The following PAM variants were observed in gnomAD, a reference collection of about 807,000 sequenced individuals.
The protein encoded by PAM is peptidylglycine alpha-amidating monooxygenase, also known as peptidyl-glycine alpha-amidating monooxygenase.
Under a neutral mutation model 122.1 loss-of-function variants are expected in PAM, and 72 were observed. The observed-to-expected ratio is 0.59, with a 90% CI of 0.49 to 0.72. The LOEUF (loss-of-function observed/expected upper bound fraction) is 0.72, where lower values mean the gene tolerates loss of function less well. Ranked by LOEUF, PAM falls within the 30% of genes least tolerant of loss-of-function variation. The probability of loss-of-function intolerance (pLI) is 0.00; values close to 1 mark genes in which losing one functional copy is unlikely to be tolerated. For missense variants in PAM, 1,106 were observed against 1,183.7 expected (o/e 0.93, Z 0.96); for synonymous variants, 389 against 404.4 (o/e 0.96, Z 0.46).
intron 1 of PAM, among the ~76,000 whole-genome samples, chr5:102,859,077 TA>T (rs1167167998): frequency 6.6e-6 from 1 of 151,444 alleles, no homozygotes; most frequent in African/African-American, 2.4e-5. Flanking sequence ...TTGATAAAGA[TA>T]ATAAACGACT....
Position 102,990,292 on chromosome 5 carries a change from C to T in PAM, c.1504C>T (p.Leu502=), listed in dbSNP as rs1217185579. 6 of 1,559,544 alleles carry T rather than the reference C, an allele frequency of 3.8e-6. No homozygotes were observed. The South Asian group carries it at 4.9e-5, about 13-fold the overall frequency. The part of the protein sequence containing the change: ...HTGDFHMEEA[L]DWPGVYLLPG... Reference sequence around the variant, plus strand: ...TTTAGATTTCCACATGGAAGAGGCACTGGATTGGCCTGGAGTATACTTGTT... The same window carrying T: ...TTTAGATTTCCACATGGAAGAGGCATTGGATTGGCCTGGAGTATACTTGTT... Residue 502 remains leucine, a synonymous_variant, in exon 16 of 26, where the codon CTG becomes TTG. Transcript: ENST00000438793.
At chr5:102,808,289 A>G (rs1766801020) in intron 1 of PAM, 1 of 152,182 alleles carries the variant, frequency 6.6e-6, no homozygotes, top group Non-Finnish European at 1.5e-5. Context: ...ATTCTGTTTC[A>G]GGTTTCTTGC....
At chr5:102,759,116 GA>G (rs762683822) in intron 1 of PAM, among the ~76,000 whole-genome samples, 17 of 152,150 alleles carry the variant, frequency 1.1e-4, no homozygotes, top group Non-Finnish European at 1.9e-4. Flanking sequence ...AATTTATAAA[GA>G]AAATTTTTAA....
intron 7 of PAM, among the ~76,000 whole-genome samples, chr5:102,932,500 A>G (rs1751869882): frequency 6.7e-6 from 1 of 150,258 alleles, no homozygotes; most frequent in Admixed American, 6.7e-5. Context: ...AAATAAATAA[A>G]TAAATGTATA....
At chr5:102,961,897 G>A (rs1762611599) in intron 14 of PAM, among the ~76,000 whole-genome samples, 2 of 151,890 alleles carry the variant, frequency 1.3e-5, no homozygotes, top group Non-Finnish European at 2.9e-5. Context: ...AGTGCTTTGG[G>A]TTAGGCTTTG....
At chr5:102,875,082 T>C (rs1046399194) in intron 3 of PAM, among the ~76,000 whole-genome samples, 1 of 152,090 alleles carries the variant, frequency 6.6e-6, no homozygotes, top group Non-Finnish European at 1.5e-5. Context: ...TGTGCAGGTG[T>C]GTGTCTATAC....
chr5:102,877,595 C>G (rs1263984657), intron 3 of PAM, among the ~76,000 whole-genome samples: 1 of 152,100 alleles, frequency 6.6e-6, no homozygotes, highest in African/African-American at 2.4e-5. Flanking sequence ...CGGCTGTAAA[C>G]AGATGAAGTA....
chr5:103,013,908 G>A (rs1781308420), intron 21 of PAM, among the ~76,000 whole-genome samples: 1 of 151,960 alleles, frequency 6.6e-6, no homozygotes, highest in Non-Finnish European at 1.5e-5. Context: ...AAACAAATAA[G>A]ATTTTTCTAG....
At chr5:102,934,703 T>C (rs1752702755) in intron 7 of PAM, among the ~76,000 whole-genome samples, 1 of 152,220 alleles carries the variant, frequency 6.6e-6, no homozygotes, top group Non-Finnish European at 1.5e-5. Context: ...ATAAATCATG[T>C]ACTCTATCAC....
intron 14 of PAM, 152 bp from the exon 15 acceptor site, chr5:102,973,964 C>CT (rs1237050253): frequency 3.4e-5 from 19 of 552,540 alleles, no homozygotes; most frequent in South Asian, 8.1e-5. Context: ...AGGAATTTTT[C>CT]TTTTTTTTCC....
chr5:102,786,285 G>A lies in PAM; in HGVS notation c.-374+30937G>A, dbSNP rs75615501. Among the ~76,000 whole-genome samples the A allele has an allele frequency of 7.1e-3, 1,088 of 152,280 alleles. 7 individuals carry two copies. Among genetic ancestry groups the A allele is most frequent in the African/African-American group, 0.025 (1,036 of 41,556 alleles). On this transcript the variant is annotated intron_variant, in intron 1 of 25. Transcript: ENST00000438793. The stretch of plus-strand genomic sequence containing the variant: ...AACAGACGTTACTTAAACTCTGAGC[G>A]TCTTCATTTCCTAATATGCAAAATG...
intron 14 of PAM, among the ~76,000 whole-genome samples, chr5:102,972,197 T>G (rs1424782081): frequency 1.3e-5 from 2 of 152,200 alleles, no homozygotes; most frequent in African/African-American, 4.8e-5. Flanking sequence ...GCCAAGATTG[T>G]GCCACTGTAC....
At chr5:102,757,846 G>T (rs552582922) in intron 1 of PAM, among the ~76,000 whole-genome samples, 1 of 151,686 alleles carries the variant, frequency 6.6e-6, no homozygotes, top group African/African-American at 2.4e-5. Context: ...TTTGAAACCA[G>T]CAACATAGTG....
chr5:102,955,669 C>T (rs1201276586), intron 12 of PAM, among the ~76,000 whole-genome samples: 1 of 151,916 alleles, frequency 6.6e-6, no homozygotes, highest in East Asian at 1.9e-4. Context: ...GTAAGTAATG[C>T]CAGCAGTCAT....
chr5:103,018,853 C>T (rs1782753764), intron 22 of PAM, among the ~76,000 whole-genome samples: 1 of 152,140 alleles, frequency 6.6e-6, no homozygotes, highest in East Asian at 1.9e-4. Flanking sequence ...ACAATTTTTC[C>T]ACAGACCATG....
chr5:102,960,099 G>T (rs1762017134), intron 13 of PAM, 40 bp downstream of exon 13: 1 of 1,139,718 alleles, frequency 8.8e-7, no homozygotes, highest in Non-Finnish European at 1.3e-6. Flanking sequence ...ATATGATTTT[G>T]TATTTTATAT....
At chr5:102,824,329 A>G (rs1407067573) in intron 1 of PAM, among the ~76,000 whole-genome samples, 5 of 152,234 alleles carry the variant, frequency 3.3e-5, no homozygotes, top group Admixed American at 6.5e-5. Context: ...TCACATTTCA[A>G]TAAACCTATG....
intron 1 of PAM, among the ~76,000 whole-genome samples, chr5:102,818,067 C>A (rs561084387): frequency 6.8e-6 from 1 of 146,574 alleles, no homozygotes; most frequent in Non-Finnish European, 1.5e-5. Flanking sequence ...AAAATTATGA[C>A]CTTACCCTGC....
At chr5:102,870,123 ACAAT>A (rs1208925134) in intron 3 of PAM, among the ~76,000 whole-genome samples, 1 of 151,844 alleles carries the variant, frequency 6.6e-6, no homozygotes. Context: ...TTGATCGCAG[ACAAT>A]CAAGAAGAGC....
Sources: gnomAD v4.1 joint callset for allele counts (sites outside exome capture counted in the v4.1 genomes callset) on GRCh38, gnomAD v4.1.1 for gene constraint, MANE v1.5 for transcripts, NCBI Gene and HGNC (gene_info 2026-07-23, HGNC 2026-07-21) for gene names.